RAB3GAP2: variants seen among roughly 807,000 people sequenced by gnomAD.
RAB3GAP2 encodes RAB3 GTPase activating non-catalytic protein subunit 2.
Under a neutral mutation model 185.3 loss-of-function variants are expected in RAB3GAP2, and 87 were observed. The ratio of observed to expected loss-of-function variants is 0.47; its 90% CI spans 0.39 to 0.56. RAB3GAP2 has a LOEUF of 0.56. Among genes scored for constraint, RAB3GAP2 ranks in the 20% least tolerant of loss-of-function variants. The pLI, the probability that RAB3GAP2 is intolerant of heterozygous loss-of-function variation, is 0.00. For missense variants in RAB3GAP2, 1,492 were observed against 1,638.2 expected, an observed-to-expected ratio of 0.91 and a Z score of 1.54; for synonymous variants, 554 against 576.1, an observed-to-expected ratio of 0.96 and a Z score of 0.55.
intron 1 of RAB3GAP2, chr1:220,253,594 C>G: frequency 6.3e-7 from 1 of 1,580,352 alleles, no homozygotes; most frequent in Non-Finnish European, 8.7e-7. Context: ...GGACCCGAAG[C>G]CTAAATTCCA....
intron 1 of RAB3GAP2, among the ~76,000 whole-genome samples, chr1:220,261,993 TA>T (rs950533295): frequency 4.6e-5 from 7 of 151,334 alleles, no homozygotes; most frequent in African/African-American, 1.5e-4. Context: ...GTATTTTGGT[TA>T]AAAAAAACAC....
intron 26 of RAB3GAP2, among the ~76,000 whole-genome samples, chr1:220,165,592 G>A (rs1188183524): frequency 6.6e-6 from 1 of 152,084 alleles, no homozygotes; most frequent in Non-Finnish European, 1.5e-5. Flanking sequence ...AAAATTGTGT[G>A]TGTCAAATGG....
chr1:220,164,686 G>A, intron 27 of RAB3GAP2, 47 bp downstream of exon 27: 1 of 1,574,660 alleles, frequency 6.4e-7, no homozygotes, highest in Non-Finnish European at 8.6e-7. Flanking sequence ...AAATCAGGAA[G>A]CCTCTTTTAG....
At chr1:220,195,215 T>C in intron 11 of RAB3GAP2, 48 bp from the exon 12 acceptor site, 2 of 1,607,030 alleles carry the variant, frequency 1.2e-6, no homozygotes, top group Non-Finnish European at 8.5e-7. Context: ...TCCAGGGTTT[T>C]AAAGTGCAAA....
At chr1:220,159,791 C>G (rs1233568870) in intron 28 of RAB3GAP2, among the ~76,000 whole-genome samples, 1 of 151,680 alleles carries the variant, frequency 6.6e-6, no homozygotes, top group Non-Finnish European at 1.5e-5. Flanking sequence ...CCAAGGTGGG[C>G]CGACCACTTG....
chr1:220,161,084 C>A (rs1406564160), intron 28 of RAB3GAP2, among the ~76,000 whole-genome samples: 5 of 152,150 alleles, frequency 3.3e-5, no homozygotes, highest in African/African-American at 1.2e-4. Flanking sequence ...TACTGTTATT[C>A]TCTCGAAAGA....
At chr1:220,200,404 A>G (rs1384955675) in intron 9 of RAB3GAP2, 1 of 334,006 alleles carries the variant, frequency 3.0e-6, no homozygotes, top group East Asian at 8.1e-5. Context: ...CCCCATCACC[A>G]AAACGTAAGC....
Position 220,193,422 on chromosome 1 carries a change from T to C in RAB3GAP2, c.1131-43A>G, listed in dbSNP as rs567594074. 124 of 1,585,246 alleles carry C rather than the reference T, an allele frequency of 7.8e-5. 3 individuals are homozygous for C. In the South Asian group the frequency reaches 1.3e-3, roughly 17 times the overall value. ...ATAAAATGCTCAAATCACATTCCAG[T>C]TCAGAAACATATAACAGAATAACGA... On this transcript the variant is annotated intron_variant, in intron 12 of 34. Coordinates refer to ENST00000358951, the MANE Select transcript of RAB3GAP2 (RefSeq NM_012414.4).
chr1:220,271,584 T>G (rs990118820), intron 1 of RAB3GAP2, among the ~76,000 whole-genome samples: 2 of 152,168 alleles, frequency 1.3e-5, no homozygotes, highest in Admixed American at 6.5e-5. Context: ...TAGATTCTCG[T>G]TCACTTCCTG....
intron 13 of RAB3GAP2, 80 bp downstream of exon 13, chr1:220,193,160 A>C: frequency 6.6e-7 from 1 of 1,517,432 alleles, no homozygotes; most frequent in Non-Finnish European, 9.1e-7. Flanking sequence ...TATCATCCAG[A>C]AGCTGAAGGA....
At chr1:220,252,900 A>G (rs971703400) in intron 1 of RAB3GAP2, among the ~76,000 whole-genome samples, 1 of 152,158 alleles carries the variant, frequency 6.6e-6, no homozygotes, top group Non-Finnish European at 1.5e-5. Flanking sequence ...CCAGGGAGCC[A>G]AGCAGCATTG....
At chr1:220,182,377 C>T in intron 20 of RAB3GAP2, 23 bp from the exon 21 acceptor site, 2 of 1,613,634 alleles carry the variant, frequency 1.2e-6, no homozygotes, top group East Asian at 4.5e-5. Context: ...AAACAAAGCA[C>T]ATTAATCAAT....
intron 7 of RAB3GAP2, among the ~76,000 whole-genome samples, chr1:220,209,910 A>G (rs1659047202): frequency 1.3e-5 from 2 of 152,238 alleles, no homozygotes; most frequent in Non-Finnish European, 2.9e-5. Flanking sequence ...TTATTTTCTC[A>G]GTTGAAATCT....
chr1:220,206,166 T>G (rs1314627856), intron 7 of RAB3GAP2, among the ~76,000 whole-genome samples, 160 bp from the exon 8 acceptor site: 1 of 152,088 alleles, frequency 6.6e-6, no homozygotes, highest in Non-Finnish European at 1.5e-5. Context: ...AATTTGAGAG[T>G]GCCTTTTTGC....
intron 2 of RAB3GAP2, among the ~76,000 whole-genome samples, chr1:220,230,645 C>T (rs913326022): frequency 9.2e-5 from 14 of 152,172 alleles, no homozygotes; most frequent in African/African-American, 3.1e-4. Flanking sequence ...TTTCCTCATC[C>T]TCCCCAACTG....
chr1:220,264,479 A>C (rs1470902649), intron 1 of RAB3GAP2, among the ~76,000 whole-genome samples: 1 of 152,174 alleles, frequency 6.6e-6, no homozygotes, highest in African/African-American at 2.4e-5. Context: ...AGGGTGAGAA[A>C]GTAGGCACTT....
rs1571879115 is a variant in RAB3GAP2 at position 220,167,753 on chromosome 1, T to C, written c.2807-78A>G. On this transcript the variant is annotated intron_variant, in intron 24 of 34. Coordinates refer to ENST00000358951, the MANE Select transcript of RAB3GAP2 (RefSeq NM_012414.4). ...GTTTGCCAATGGGAGCCAATTTCCT[T>C]ACGAAGAGATCTAAGTGCCACATTC... 5 of 1,410,654 alleles carry C rather than the reference T, an allele frequency of 3.5e-6. No homozygotes were observed. In the East Asian group the frequency reaches 6.8e-5, roughly 19 times the overall value. 87.4% of individuals were successfully genotyped at this position (1,410,654 alleles called of 1,614,324 possible).
intron 15 of RAB3GAP2, 63 bp from the exon 16 acceptor site, chr1:220,190,209 ACACT>A (rs757935408): frequency 5.2e-6 from 8 of 1,529,274 alleles, no homozygotes; most frequent in Non-Finnish European, 7.2e-6. Flanking sequence ...TAATTCTGAC[ACACT>A]CCAACTTTTT....
intron 2 of RAB3GAP2, among the ~76,000 whole-genome samples, chr1:220,216,335 A>G (rs1247754619): frequency 6.6e-6 from 1 of 152,198 alleles, no homozygotes; most frequent in Non-Finnish European, 1.5e-5. Context: ...TTTTCTACAG[A>G]TAAATTAGAA....
Sources: allele counts gnomAD v4.1 joint callset (sites outside exome capture counted in the v4.1 genomes callset), GRCh38; gene constraint gnomAD v4.1.1; transcripts MANE v1.5; gene names NCBI Gene and HGNC (gene_info 2026-07-23, HGNC 2026-07-21).